CDSN: variants seen among roughly 807,000 people sequenced by gnomAD.
CDSN encodes the protein S protein.
Under a neutral mutation model 25.6 loss-of-function variants are expected in CDSN, and 11 were observed. The observed-to-expected ratio is 0.43, with a 90% confidence interval of 0.27 to 0.71. The LOEUF (loss-of-function observed/expected upper bound fraction) is 0.71, where lower values mean the gene tolerates loss of function less well. Among genes scored for constraint, CDSN ranks in the 30% least tolerant of loss-of-function variants. The pLI is 0.20. For missense variants in CDSN, 598 were observed against 670.9 expected (o/e 0.89, Z 1.20); for synonymous variants, 266 against 267.4 (o/e 0.99, Z 0.05).
chr6:31,118,468 G>C (rs1473547639), intron 1 of CDSN: 1 of 152,420 alleles, frequency 6.6e-6, no homozygotes, highest in African/African-American at 2.4e-5. Flanking sequence ...GAACCTCCGA[G>C]GCTCCTGGCC....
Position 31,116,469 on chromosome 6 carries a change from G to T in CDSN, c.1146C>A (p.Gly382=). 6.3e-7 allele frequency: 1 copy of T among 1,599,410 alleles called. No individual in the cohort carries two copies. Among genetic ancestry groups the T allele is most frequent in the East Asian group, 2.3e-5 (1 of 44,368 alleles). ...AGGGTCCCTTGGAGCCCGTGGAGCCGCCTCCACAGAGCTGGACCCCACCAG... is the reference window on the plus strand; with the variant it reads ...AGGGTCCCTTGGAGCCCGTGGAGCCTCCTCCACAGAGCTGGACCCCACCAG... ...VGTGGVQLCG[G]GSTGSKGPCS... is the part of the protein sequence containing the mutation. The change falls in exon 2 of 2, where the codon GGC becomes GGA. Residue 382 remains glycine, a synonymous_variant. Transcript: ENST00000376288.
chr6:31,115,298 G>T lies in CDSN; in HGVS notation c.*727C>A, dbSNP rs113009202. 2.8e-3 allele frequency: 555 copies of T among 201,732 alleles called. 8 individuals are homozygous for T. The highest frequency in any genetic ancestry group is 0.012 in the African/African-American group (523 of 42,676). 12.5% of individuals were successfully genotyped at this position (201,732 alleles called of 1,614,324 possible). A position where few individuals can be genotyped will look rare whatever the true frequency, so the allele number is the denominator to read the frequency against. ...GTCCCCACAGTTTACTGAGCCATCT[G>T]TCCAGGATCCAGGGACAGCAGGGAG... On this transcript the variant is annotated 3_prime_UTR_variant, in exon 2 of 2. Coordinates refer to ENST00000376288, the MANE Select transcript of CDSN (RefSeq NM_001264.5). This position sits in a 1 kb window ranked among gnomAD's most constrained non-coding sequence, Gnocchi z 4.2.
Position 31,116,885 on chromosome 6 carries a change from G to A in CDSN, c.730C>T (p.His244Tyr). 1 of 1,614,064 alleles carries A rather than the reference G, an allele frequency of 6.2e-7. No homozygotes were observed. The highest frequency in any genetic ancestry group is 8.5e-7 in the Non-Finnish European group (1 of 1,179,962). Reference protein sequence around the residue: ...SHSGPYIPSSHSVSGGQRPVV... With the variant: ...SHSGPYIPSSYSVSGGQRPVV... ...GGCCTCTGACCCCCTGACACAGAGTGGGAGCTGGGGATGTAGGGGCCGGAG... is the reference window on the plus strand; with the variant it reads ...GGCCTCTGACCCCCTGACACAGAGTAGGAGCTGGGGATGTAGGGGCCGGAG... The change falls in exon 2 of 2, where the codon CAC becomes TAC. Residue 244 changes from histidine (H) to tyrosine (Y), a missense_variant. Physicochemically the swap from His to Tyr is moderately conservative, Grantham distance 83. Transcript: ENST00000376288.
At position 31,117,338 on chromosome 6, in the gene CDSN, T is replaced by C; in HGVS notation, c.277A>G (p.Ser93Gly). The C allele has an allele frequency of 6.3e-7, 1 of 1,578,538 alleles. No individual in the cohort carries two copies. The highest frequency in any genetic ancestry group is 1.3e-5 in the African/African-American group (1 of 74,224). ...SSGGGSSGSS[S>G]GSSIAQGGSA... ...CCACCCTGGGCAATGCTGGATCCGC[T>C]GGAGCTACCACTGGAGCCACCACCA... Residue 93 changes from serine (S) to glycine (G), a missense_variant, in exon 2 of 2, where the codon AGC becomes GGC. Transcript: ENST00000376288.
Position 31,115,668 on chromosome 6 carries a change from A to G in CDSN, c.*357T>C. 6.2e-6 allele frequency: 2 copies of G among 324,338 alleles called. No homozygotes were observed. Among genetic ancestry groups the G allele is most frequent in the Non-Finnish European group, 1.1e-5 (2 of 176,338 alleles). The allele number at this position is 324,338 out of a possible 1,614,324, so 20.1% of individuals were successfully genotyped here. ...GTCAGAGGTGCTCTGAGAGCATTTC[A>G]GGGGTTTCCCAGTTGAGAAGCTGAT... On this transcript the variant is annotated 3_prime_UTR_variant, in exon 2 of 2. Transcript: ENST00000376288. The surrounding 1 kb of genome is among the most constrained non-coding windows in gnomAD (Gnocchi z 4.2).
rs1301310292 is a variant in CDSN, at chr6:31,116,512, G to C, written c.1103C>G (p.Ala368Gly). The change falls in exon 2 of 2, where the codon GCA becomes GGA. Residue 368 changes from alanine (A) to glycine (G), a missense_variant. Coordinates refer to ENST00000376288, the MANE Select transcript of CDSN (RefSeq NM_001264.5). ...CCCACCAGTCCCCACTGGCTGGAATGCAATGGCCGAGGAAGCTGCCGACTG... is the reference window on the plus strand; with the variant it reads ...CCCACCAGTCCCCACTGGCTGGAATCCAATGGCCGAGGAAGCTGCCGACTG... ...PSQSAASSAI[A>G]FQPVGTGGVQ... is the part of the protein sequence containing the mutation. 6.2e-7 allele frequency: 1 copy of C among 1,612,274 alleles called. No homozygotes were observed.
rs536731330 is a variant in CDSN at position 31,116,382 on chromosome 6, G to A, written c.1233C>T (p.Pro411=). 89 of 1,606,360 alleles carry A rather than the reference G, an allele frequency of 5.5e-5. 3 individuals carry two copies. The highest frequency in any genetic ancestry group is 4.0e-4 in the East Asian group (18 of 44,532). ...SSSISSSSGL[P]YHPCGSASQS... is the part of the protein sequence containing the mutation. ...GGGAAGCACTGCCGCAGGGATGGTA[G>A]GGTAAACCGGAGCTGCTGGAAATGC... Residue 411 remains proline, a synonymous_variant, in exon 2 of 2, where the codon CCC becomes CCT. Coordinates refer to ENST00000376288, the MANE Select transcript of CDSN (RefSeq NM_001264.5).
intron 1 of CDSN, among the ~76,000 whole-genome samples, chr6:31,119,417 G>A (rs550933355): frequency 2.6e-5 from 4 of 152,172 alleles, no homozygotes; most frequent in Non-Finnish European, 5.9e-5. Context: ...AATTCCTCAA[G>A]GGCTATAAGT....
chr6:31,116,015 A>T lies in CDSN; in HGVS notation c.*10T>A. 1 of 1,555,206 alleles carries T rather than the reference A, an allele frequency of 6.4e-7. No individual in the cohort carries two copies. The highest frequency in any genetic ancestry group is 8.6e-7 in the Non-Finnish European group (1 of 1,159,984). On this transcript the variant is annotated 3_prime_UTR_variant, in exon 2 of 2. Transcript: ENST00000376288. ...TGCCCAAGGCATGCACACACACAAC[A>T]GTTGACTTCTTATGGACTGTTGAGT... is the stretch of plus-strand genomic sequence containing the variant.
chr6:31,117,400 C>A lies in CDSN; in HGVS notation c.215G>T (p.Ser72Ile). 1 of 1,566,988 alleles carries A rather than the reference C, an allele frequency of 6.4e-7. No homozygotes were observed. The highest frequency in any genetic ancestry group is 8.6e-7 in the Non-Finnish European group (1 of 1,156,510). ...ACTGGAAATGGAGCTGCCAGAACTG[C>A]TGGAGCCACTGTAGCTACTGAAACC... The part of the protein sequence containing the change: ...SSGFSSYSGS[S>I]SSGSSISSAR... Residue 72 changes from serine (S) to isoleucine (I), a missense_variant, in exon 2 of 2, where the codon AGC becomes ATC. Ser to Ile is a moderately radical substitution (Grantham distance 142). Transcript: ENST00000376288.
At position 31,116,925 on chromosome 6, in the gene CDSN, C is replaced by A. The variant is rs1189913146; in HGVS notation, c.690G>T (p.Gly230=). The change falls in exon 2 of 2, where the codon GGG becomes GGT. Residue 230 remains glycine, a synonymous_variant. Transcript: ENST00000376288. ...AGGGGCCGGAGTGCGAGACGATGGGCCCTCCACTGCAGGGAGAGTCGGGGA... is the reference window on the plus strand; with the variant it reads ...AGGGGCCGGAGTGCGAGACGATGGGACCTCCACTGCAGGGAGAGTCGGGGA... ...SDIPDSPCSG[G]PIVSHSGPYI... is the part of the protein sequence containing the mutation. 6.2e-7 allele frequency: 1 copy of A among 1,614,128 alleles called. No homozygotes were observed. Among genetic ancestry groups the A allele is most frequent in the Middle Eastern group, 1.6e-4 (1 of 6,062 alleles).
intron 1 of CDSN, chr6:31,117,904 G>A (rs1772254924): frequency 3.6e-6 from 1 of 281,394 alleles, no homozygotes; most frequent in Non-Finnish European, 6.8e-6. Flanking sequence ...TTCAAGACCA[G>A]CCTGGGCAAC....
Position 31,115,111 on chromosome 6 carries a change from T to C in CDSN, c.*914A>G. On this transcript the variant is annotated 3_prime_UTR_variant, in exon 2 of 2. Coordinates refer to ENST00000376288, the MANE Select transcript of CDSN (RefSeq NM_001264.5). The surrounding 1 kb of genome is among the most constrained non-coding windows in gnomAD (Gnocchi z 4.2). ...CTGCTTTCAGTTCAACAAATATTTA[T>C]TGTCTTCCTCCTCTGTGGGAGCAGC... 2.8e-6 allele frequency: 1 copy of C among 353,778 alleles called. No homozygotes were observed. The highest frequency in any genetic ancestry group is 5.5e-6 in the Non-Finnish European group (1 of 181,178). 21.9% of individuals were successfully genotyped at this position (353,778 alleles called of 1,614,324 possible).
At position 31,116,519 on chromosome 6, in the gene CDSN, C is replaced by T; in HGVS notation, c.1096G>A (p.Ala366Thr). ...IIPSQSAASSAIAFQPVGTGG... is the reference protein window; with the variant it reads ...IIPSQSAASSTIAFQPVGTGG... ...GTCCCCACTGGCTGGAATGCAATGG[C>T]CGAGGAAGCTGCCGACTGGCTGGGG... is the stretch of plus-strand genomic sequence containing the variant. The change falls in exon 2 of 2, where the codon GCC becomes ACC. Residue 366 changes from alanine (A) to threonine (T), a missense_variant. Physicochemically the swap from Ala to Thr is moderately conservative, Grantham distance 58 (BLOSUM62 0). Transcript: ENST00000376288. 1.2e-6 allele frequency: 2 copies of T among 1,612,892 alleles called. No individual in the cohort carries two copies. The highest frequency in any genetic ancestry group is 1.1e-5 in the South Asian group (1 of 90,878).
At position 31,116,725 on chromosome 6, in the gene CDSN, T is replaced by A; in HGVS notation, c.890A>T (p.Glu297Val). 1 of 1,612,824 alleles carries A rather than the reference T, an allele frequency of 6.2e-7. No individual in the cohort carries two copies. The highest frequency in any genetic ancestry group is 1.1e-5 in the South Asian group (1 of 91,078). Residue 297 changes from glutamate to valine, a missense_variant, in exon 2 of 2, where the codon GAG (glutamate) becomes GTG (valine). Glu to Val is a moderately radical substitution (Grantham distance 121, BLOSUM62 -2). Transcript: ENST00000376288. ...ACTGTCAGAGGAGCCACCCACCACC[T>A]CGTAGCCACCATAGGATTTGTCTAC... ...TSVDKSYGGY[E>V]VVGGSSDSYL...
chr6:31,117,692 G>A (rs905691133), intron 1 of CDSN, 163 bp from the exon 2 acceptor site: 8 of 644,892 alleles, frequency 1.2e-5, no homozygotes, highest in Admixed American at 1.1e-4. Context: ...GTCTCTAAAG[G>A]ATATTGAGGT....
Position 31,116,673 on chromosome 6 carries a change from A to C in CDSN, c.942T>G (p.Ser314Arg), listed in dbSNP as rs760517449. Reference protein sequence around the residue: ...DSYLVPGMTYSKGKIYPVGYF... With the variant: ...DSYLVPGMTYRKGKIYPVGYF... ...AGCCCACAGGGTAGATTTTACCCTT[A>C]CTGTAGGTCATGCCTGGAACCAGAT... Residue 314 changes from serine (S) to arginine (R), a missense_variant, in exon 2 of 2, where the codon AGT becomes AGG. Transcript: ENST00000376288. The C allele has an allele frequency of 7.4e-6, 12 of 1,612,588 alleles. No individual in the cohort carries two copies. Among genetic ancestry groups the C allele is most frequent in the Admixed American group, 1.7e-5 (1 of 59,996 alleles).
At position 31,117,406 on chromosome 6, in the gene CDSN, C is replaced by T. The variant is rs1454842610; in HGVS notation, c.209G>A (p.Gly70Asp). The T allele has an allele frequency of 6.4e-7, 1 of 1,567,990 alleles. No homozygotes were observed. The highest frequency in any genetic ancestry group is 1.4e-5 in the African/African-American group (1 of 73,964). Residue 70 changes from glycine to aspartate, a missense_variant, in exon 2 of 2, where the codon GGC becomes GAC. Physicochemically the swap from Gly to Asp is moderately conservative, Grantham distance 94 (BLOSUM62 -1). Coordinates refer to ENST00000376288, the MANE Select transcript of CDSN (RefSeq NM_001264.5). The part of the protein sequence containing the change: ...GDSSGFSSYS[G>D]SSSSGSSISS... ...AATGGAGCTGCCAGAACTGCTGGAG[C>T]CACTGTAGCTACTGAAACCGCTGGA...
Position 31,116,130 on chromosome 6 carries a change from G to C in CDSN, c.1485C>G (p.Pro495=), listed in dbSNP as rs1772099305. The change falls in exon 2 of 2, where the codon CCC becomes CCG. Residue 495 remains proline (P), a synonymous_variant. Coordinates refer to ENST00000376288, the MANE Select transcript of CDSN (RefSeq NM_001264.5). ...CTAGGATATCCCGGATGGAGCGGCA[G>C]GGGATCTTTCCAGCACTGCTGGAGC... ...PCGSSSAGKI[P]CRSIRDILAQ... is the part of the protein sequence containing the mutation. 1 of 1,610,968 alleles carries C rather than the reference G, an allele frequency of 6.2e-7. No individual in the cohort carries two copies. Among genetic ancestry groups the C allele is most frequent in the African/African-American group, 1.3e-5 (1 of 74,888 alleles).
Sources: gnomAD v4.1 joint callset for allele counts (sites outside exome capture counted in the v4.1 genomes callset) on GRCh38, gnomAD v4.1.1 for gene constraint, Gnocchi (gnomAD v3.1) non-coding constraint, MANE v1.5 for transcripts, NCBI Gene and HGNC (gene_info 2026-07-23, HGNC 2026-07-21) for gene names.